TTC7B: variants seen among roughly 807,000 people sequenced by gnomAD.
TTC7B encodes tetratricopeptide repeat domain 7B.
Under a neutral mutation model 106.8 loss-of-function variants are expected in TTC7B, and 28 were observed. The ratio of observed to expected loss-of-function variants is 0.26; its 90% confidence interval spans 0.19 to 0.36. The LOEUF (loss-of-function observed/expected upper bound fraction) is 0.36. Ranked by LOEUF, TTC7B falls within the 10% of genes least tolerant of loss-of-function variation. TTC7B has a pLI of 1.00. For synonymous variants in TTC7B, 405 were observed against 430.6 expected (o/e 0.94, Z 0.74); for missense variants, 862 against 1,076.4 (o/e 0.80, Z 2.79).
At chr14:90,648,022 T>C (rs1334872537) in intron 13 of TTC7B, among the ~76,000 whole-genome samples, 1 of 152,110 alleles carries the variant, frequency 6.6e-6, no homozygotes, top group Non-Finnish European at 1.5e-5. Context: ...AAAGATGGCT[T>C]TCTACAATAA....
intron 3 of TTC7B, among the ~76,000 whole-genome samples, chr14:90,748,198 T>C (rs897864100): frequency 6.6e-6 from 1 of 152,182 alleles, no homozygotes; most frequent in African/African-American, 2.4e-5. Flanking sequence ...TCTGTTCTAT[T>C]TTTCCTTTTT....
chr14:90,629,584 A>T (rs2139862821), intron 15 of TTC7B, among the ~76,000 whole-genome samples: 1 of 152,380 alleles, frequency 6.6e-6, no homozygotes, highest in Admixed American at 6.5e-5. Context: ...GCCCGGGGCC[A>T]GGTGCTGGGG....
chr14:90,810,430 G>A (rs997935902), intron 1 of TTC7B, among the ~76,000 whole-genome samples: 4 of 152,222 alleles, frequency 2.6e-5, no homozygotes, highest in African/African-American at 7.2e-5. Flanking sequence ...CCAACTCCAA[G>A]CCAGGGCTCT....
intron 7 of TTC7B, among the ~76,000 whole-genome samples, chr14:90,681,896 T>C (rs200071631): frequency 6.6e-5 from 9 of 137,150 alleles, no homozygotes; most frequent in South Asian, 2.4e-4. Context: ...TGTGTGTATG[T>C]GTGTGTGCAT....
rs1891691857 is a variant in TTC7B, at chr14:90,794,207, ATTTCTTTTTTTTTT to A, written c.122-7893_122-7880del. Among the ~76,000 whole-genome samples, 2 of 130,614 alleles carry A rather than the reference ATTTCTTTTTTTTTT, an allele frequency of 1.5e-5. 1 individual carries two copies. The allele number at this position is 130,614 out of a possible 152,430, so 85.7% of individuals were successfully genotyped here. On this transcript the variant is annotated intron_variant, in intron 1 of 19. Coordinates refer to ENST00000328459, the MANE Select transcript of TTC7B (RefSeq NM_001010854.2). ...TGTGAGCCACTGCACCTGGCTGGGT[ATTTCTTTTTTTTTT>A]TTTTTTTTTTTTTTTTGAGACGGAG...
rs767489293 is a variant in TTC7B, at chr14:90,730,104, C to G, written c.669G>C (p.Gln223His). ...TTTTGAAATAGAGGACATGGGCTCT[C>G]TGAAGTCCTGTTTCTAGGAAAAAAC... is the stretch of plus-strand genomic sequence containing the variant. Reference protein sequence around the residue: ...ELGFFLETGLQRAHVLYFKNG... With the variant: ...ELGFFLETGLHRAHVLYFKNG... Residue 223 changes from glutamine (Q) to histidine (H), a missense_variant, in exon 5 of 20, where the codon CAG (glutamine) becomes CAC (histidine). By Grantham distance (24) the Gln-to-His change is conservative. Coordinates refer to ENST00000328459, the MANE Select transcript of TTC7B (RefSeq NM_001010854.2). The G allele has an allele frequency of 4.3e-6, 7 of 1,613,398 alleles. No homozygotes were observed. The highest frequency in any genetic ancestry group is 5.9e-6 in the Non-Finnish European group (7 of 1,179,860).
At chr14:90,664,945 AC>A (rs1408888322) in intron 9 of TTC7B, among the ~76,000 whole-genome samples, 1 of 152,126 alleles carries the variant, frequency 6.6e-6, no homozygotes, top group Non-Finnish European at 1.5e-5. Flanking sequence ...GAGAATGAGA[AC>A]CCCTGGGAAT....
chr14:90,766,312 C>T (rs1055393903), intron 3 of TTC7B, among the ~76,000 whole-genome samples: 5 of 151,948 alleles, frequency 3.3e-5, no homozygotes, highest in African/African-American at 1.2e-4. Flanking sequence ...AAGTATATAT[C>T]AACTGAAACT....
At chr14:90,572,781 G>A (rs1351346512) in intron 19 of TTC7B, among the ~76,000 whole-genome samples, 1 of 152,118 alleles carries the variant, frequency 6.6e-6, no homozygotes, top group Non-Finnish European at 1.5e-5. Flanking sequence ...GACCCCTTAT[G>A]GTAACCTGAA....
intron 19 of TTC7B, among the ~76,000 whole-genome samples, chr14:90,551,960 G>A (rs1172389962): frequency 1.3e-5 from 2 of 152,240 alleles, no homozygotes; most frequent in Non-Finnish European, 2.9e-5. Flanking sequence ...AGCTCTGGGC[G>A]AGGCCTGGTC....
intron 9 of TTC7B, among the ~76,000 whole-genome samples, chr14:90,670,743 G>A (rs963152378): frequency 2.1e-4 from 32 of 152,076 alleles, no homozygotes; most frequent in Non-Finnish European, 4.0e-4. Flanking sequence ...TTTGGGGCAG[G>A]GTGTCATGAA....
intron 19 of TTC7B, among the ~76,000 whole-genome samples, chr14:90,553,635 G>T (rs1015873452): frequency 1.3e-5 from 2 of 152,222 alleles, no homozygotes; most frequent in Non-Finnish European, 2.9e-5. Context: ...ACGTGGAAAA[G>T]CCCCGTTCTC....
chr14:90,682,778 C>A (rs531555775), intron 7 of TTC7B, among the ~76,000 whole-genome samples: 1 of 152,192 alleles, frequency 6.6e-6, no homozygotes, highest in Non-Finnish European at 1.5e-5. Context: ...CTCCCAAGAG[C>A]TGGCAGGCTG....
chr14:90,607,683 G>A (rs1023951540), intron 17 of TTC7B, among the ~76,000 whole-genome samples: 4 of 152,178 alleles, frequency 2.6e-5, no homozygotes, highest in Admixed American at 2.0e-4. Flanking sequence ...CATGCTGGAT[G>A]GATAAGAATC....
In TTC7B at chr14:90,783,323, C is replaced by T. The variant is rs116825865; in HGVS notation, c.277-2417G>A. On this transcript the variant is annotated intron_variant, in intron 2 of 19. Transcript: ENST00000328459. ...TTAAGCTCAAGGAAAGAGAAAGTTT[C>T]ACATTAGTTGGTGTGAGTAGGACAG... 3.9e-3 allele frequency among the ~76,000 whole-genome samples: 588 copies of T among 152,322 alleles called. 2 individuals are homozygous for T. The highest frequency in any genetic ancestry group is 0.014 in the African/African-American group (562 of 41,564).
intron 7 of TTC7B, among the ~76,000 whole-genome samples, chr14:90,684,902 TA>T (rs1887197384): frequency 6.6e-6 from 1 of 152,164 alleles, no homozygotes; most frequent in African/African-American, 2.4e-5. Context: ...AAAAAATAAG[TA>T]AACTAAAGCT....
intron 3 of TTC7B, among the ~76,000 whole-genome samples, chr14:90,771,563 G>T (rs1364420570): frequency 6.6e-6 from 1 of 152,028 alleles, no homozygotes; most frequent in Non-Finnish European, 1.5e-5. Context: ...TTGCGCCACT[G>T]CACTCCAACC....
At chr14:90,679,407 TC>T (rs1886962425) in intron 8 of TTC7B, among the ~76,000 whole-genome samples, 1 of 152,132 alleles carries the variant, frequency 6.6e-6, no homozygotes, top group African/African-American at 2.4e-5. Context: ...ATTTTATACC[TC>T]CCATTAAACA....
rs540936480 is a variant in TTC7B, at chr14:90,527,315, T to A, written c.*14053A>T. Reference sequence around the variant, plus strand: ...TTCTCTCTGAATGCAAGTCACCAAGTCCAGCCCACACTCCAGTGATGAAGC... The same window carrying A: ...TTCTCTCTGAATGCAAGTCACCAAGACCAGCCCACACTCCAGTGATGAAGC... On this transcript the variant is annotated 3_prime_UTR_variant, in exon 20 of 20. Transcript: ENST00000328459. 6.6e-6 allele frequency: 1 copy of A among 152,244 alleles called. No homozygotes were observed. Among genetic ancestry groups the A allele is most frequent in the East Asian group, 1.9e-4 (1 of 5,182 alleles). The allele number at this position is 152,244 out of a possible 1,614,324, so 9.4% of individuals were successfully genotyped here.
Sources: allele counts gnomAD v4.1 joint callset (sites outside exome capture counted in the v4.1 genomes callset), GRCh38; gene constraint gnomAD v4.1.1; transcripts MANE v1.5; gene names NCBI Gene and HGNC (gene_info 2026-07-23, HGNC 2026-07-21).